The following PCNX4 variants were observed in gnomAD, a reference collection of about 807,000 sequenced individuals.
PCNX4 encodes pecanex 4.
A neutral mutation model predicts 107.2 loss-of-function variants in PCNX4; 103 were observed. The observed-to-expected ratio is 0.96, with a 90% confidence interval of 0.82 to 1.13. PCNX4 has a LOEUF of 1.13. PCNX4 is among the 50% of genes most tolerant of loss of function. The pLI is 0.00. For missense variants in PCNX4, 1,528 were observed against 1,379.4 expected, an observed-to-expected ratio of 1.11 and a Z score of -1.71; for synonymous variants, 541 against 481.7, an observed-to-expected ratio of 1.12 and a Z score of -1.61.
intron 8 of PCNX4, among the ~76,000 whole-genome samples, chr14:60,123,774 G>T (rs1382328492): frequency 6.6e-6 from 1 of 152,050 alleles, no homozygotes; most frequent in East Asian, 1.9e-4. Context: ...ATAAATTCTG[G>T]CACATCCATA....
intron 10 of PCNX4, among the ~76,000 whole-genome samples, chr14:60,132,645 G>T (rs1896175443): frequency 6.6e-6 from 1 of 151,476 alleles, no homozygotes; most frequent in African/African-American, 2.4e-5. Flanking sequence ...TTCCTCAAAG[G>T]ACACCATCAA....
rs1304176111 is a variant in PCNX4 at position 60,141,473 on chromosome 14, G to C, written c.*7252G>C. ...CTATAAATCAGGCAGTCATTAAAAA[G>C]ATAATGAGGAAATACTGTAACTTTC... On this transcript the variant is annotated 3_prime_UTR_variant, in exon 11 of 11. Transcript: ENST00000406854. 6.6e-6 allele frequency: 1 copy of C among 152,162 alleles called. No individual in the cohort carries two copies. The highest frequency in any genetic ancestry group is 1.5e-5 in the Non-Finnish European group (1 of 68,032). The allele number at this position is 152,162 out of a possible 1,614,324, so 9.4% of individuals were successfully genotyped here. A position where few individuals can be genotyped will look rare whatever the true frequency, so the allele number is the denominator to read the frequency against.
In PCNX4 at chr14:60,138,529, T is replaced by A. The variant is rs1896268202; in HGVS notation, c.*4308T>A. ...GGCACAATTTTATTAAACTGACAGC[T>A]AACTTCTCAACAGAAAATATGGGAA... On this transcript the variant is annotated 3_prime_UTR_variant, in exon 11 of 11. Coordinates refer to ENST00000406854, the MANE Select transcript of PCNX4 (RefSeq NM_001330177.2). The A allele has an allele frequency of 6.6e-6, 1 of 152,228 alleles. No homozygotes were observed. Among genetic ancestry groups the A allele is most frequent in the South Asian group, 2.1e-4 (1 of 4,834 alleles). The allele number at this position is 152,228 out of a possible 1,614,324, so 9.4% of individuals were successfully genotyped here.
chr14:60,106,991 T>A (rs1895641784), intron 1 of PCNX4, among the ~76,000 whole-genome samples: 1 of 152,232 alleles, frequency 6.6e-6, no homozygotes, highest in South Asian at 2.1e-4. Context: ...AGTATTGGCA[T>A]TTTGAACGTT....
chr14:60,094,886 C>G (rs1056203684), intron 1 of PCNX4, among the ~76,000 whole-genome samples: 2 of 151,644 alleles, frequency 1.3e-5, no homozygotes, highest in East Asian at 3.9e-4. Context: ...GGTTAAGTCA[C>G]TTAATATCAC....
Position 60,121,184 on chromosome 14 carries a change from A to ATTTTT in PCNX4, c.1943-12_1943-11insTTTTT. 4.4e-6 allele frequency: 5 copies of ATTTTT among 1,142,316 alleles called. No homozygotes were observed. The highest frequency in any genetic ancestry group is 5.6e-6 in the Non-Finnish European group (5 of 893,528). 70.8% of individuals were successfully genotyped at this position (1,142,316 alleles called of 1,614,324 possible). The stretch of plus-strand genomic sequence containing the variant: ...TTCTTTTTTTTTTTTTTTTTTTTCT[A>ATTTTT]ATTTGTTGTAGGTCTCCTCCTACCT... On this transcript the variant is annotated splice_polypyrimidine_tract_variant and intron_variant, in intron 7 of 10. Coordinates refer to ENST00000406854, the MANE Select transcript of PCNX4 (RefSeq NM_001330177.2).
intron 1 of PCNX4, among the ~76,000 whole-genome samples, chr14:60,098,356 C>T (rs1320978657): frequency 6.6e-6 from 1 of 152,220 alleles, no homozygotes; most frequent in African/African-American, 2.4e-5. Flanking sequence ...AGAAGCCTCT[C>T]TCAGGTTTAT....
chr14:60,098,659 CTGGGCACGG>C (rs1471697929), intron 1 of PCNX4, among the ~76,000 whole-genome samples: 2 of 152,108 alleles, frequency 1.3e-5, no homozygotes, highest in Non-Finnish European at 2.9e-5. Flanking sequence ...AAGTCTTTTG[CTGGGCACGG>C]TGGCTCACAC....
rs1896267090 is a variant in PCNX4, at chr14:60,138,435, AAAAAT to A, written c.*4219_*4223del. 2 of 152,198 alleles carry A rather than the reference AAAAAT, an allele frequency of 1.3e-5. No individual in the cohort carries two copies. The highest frequency in any genetic ancestry group is 1.3e-4 in the Admixed American group (2 of 15,274). 9.4% of individuals were successfully genotyped at this position (152,198 alleles called of 1,614,324 possible). A position where few individuals can be genotyped will look rare whatever the true frequency, so the allele number is the denominator to read the frequency against. ...AATTACAACTTAGCACATCCTAAGA[AAAAAT>A]AAAACACAAAAAGAAAATCATTAAA... On this transcript the variant is annotated 3_prime_UTR_variant, in exon 11 of 11. Transcript: ENST00000406854.
chr14:60,145,095 G>A lies in PCNX4; in HGVS notation c.*10874G>A. On this transcript the variant is annotated 3_prime_UTR_variant, in exon 11 of 11. Transcript: ENST00000406854. The surrounding 1 kb of genome is among the most constrained non-coding windows in gnomAD (Gnocchi z 4.0). Reference sequence around the variant, plus strand: ...TAACATTTAAGTCCTTCTGTTTTGAGGAGCTGTATCATTATGATTCACTAT... The same window carrying A: ...TAACATTTAAGTCCTTCTGTTTTGAAGAGCTGTATCATTATGATTCACTAT... The A allele has an allele frequency of 1.1e-6, 1 of 924,236 alleles. No individual in the cohort carries two copies. The highest frequency in any genetic ancestry group is 1.6e-6 in the Non-Finnish European group (1 of 637,894). The allele number at this position is 924,236 out of a possible 1,614,324, so 57.3% of individuals were successfully genotyped here. A position where few individuals can be genotyped will look rare whatever the true frequency, so the allele number is the denominator to read the frequency against.
rs1896241806 is a variant in PCNX4 at position 60,136,484 on chromosome 14, C to T, written c.*2263C>T. 6.6e-6 allele frequency: 1 copy of T among 152,162 alleles called. No homozygotes were observed. Among genetic ancestry groups the T allele is most frequent in the South Asian group, 2.1e-4 (1 of 4,832 alleles). 9.4% of individuals were successfully genotyped at this position (152,162 alleles called of 1,614,324 possible). A position where few individuals can be genotyped will look rare whatever the true frequency, so the allele number is the denominator to read the frequency against. On this transcript the variant is annotated 3_prime_UTR_variant, in exon 11 of 11. Coordinates refer to ENST00000406854, the MANE Select transcript of PCNX4 (RefSeq NM_001330177.2). ...TCTTACACTGAACCTATATATATCACTTATTTGGTATCTTCACTTGGTATA... is the reference window on the plus strand; with the variant it reads ...TCTTACACTGAACCTATATATATCATTTATTTGGTATCTTCACTTGGTATA...
rs760419187 is a variant in PCNX4, at chr14:60,118,536, C to G, written c.1786C>G (p.Leu596Val). Residue 596 changes from leucine (L) to valine (V), a missense_variant, in exon 7 of 11, where the codon CTT (leucine) becomes GTT (valine). Transcript: ENST00000406854. ...TTCTCCCTTACTCCCTCTTTTCACC[C>G]TTCCTGTGTTCTTGGTGGGGTTTCC... The part of the protein sequence containing the change: ...LSSPLLPLFT[L>V]PVFLVGFPRP... The G allele has an allele frequency of 3.2e-5, 51 of 1,613,720 alleles. No individual in the cohort carries two copies. The South Asian group carries it at 5.4e-4, about 17-fold the overall frequency.
chr14:60,111,562 C>A (rs1384298009), intron 2 of PCNX4, among the ~76,000 whole-genome samples: 1 of 152,034 alleles, frequency 6.6e-6, no homozygotes, highest in African/African-American at 2.4e-5. Flanking sequence ...AATACAAATT[C>A]TTGAGTTACT....
rs2140538944 is a variant in PCNX4 at position 60,107,964 on chromosome 14, T to G, written c.326T>G (p.Ile109Ser). 1.9e-6 allele frequency: 3 copies of G among 1,612,854 alleles called. No individual in the cohort carries two copies. In the East Asian group the frequency reaches 6.7e-5, roughly 36 times the overall value. ...GTAGAAAGAATACTAACCACGGATA[T>G]CTTAGCAGAGGAGGATGAGCATGAA... ...TTVERILTTD[I>S]LAEEDEHEFT... Residue 109 changes from isoleucine to serine, a missense_variant, in exon 2 of 11, where the codon ATC (isoleucine) becomes AGC (serine). Ile to Ser is a moderately radical substitution (Grantham distance 142, BLOSUM62 -2). Coordinates refer to ENST00000406854, the MANE Select transcript of PCNX4 (RefSeq NM_001330177.2).
At chr14:60,129,329 G>T (rs1481779413) in intron 10 of PCNX4, among the ~76,000 whole-genome samples, 1 of 151,946 alleles carries the variant, frequency 6.6e-6, no homozygotes, top group Non-Finnish European at 1.5e-5. Flanking sequence ...AAGGCAGGAG[G>T]ATTGCTTTGA....
chr14:60,139,543 C>T lies in PCNX4; in HGVS notation c.*5322C>T, dbSNP rs1301771329. On this transcript the variant is annotated 3_prime_UTR_variant, in exon 11 of 11. Transcript: ENST00000406854. ...GATTTTAATATACTCAGTAACAGAA[C>T]AGCAGCCATGCAAAAATACGTAAAT... is the stretch of plus-strand genomic sequence containing the variant. 6.6e-6 allele frequency: 1 copy of T among 152,004 alleles called. No individual in the cohort carries two copies. Among genetic ancestry groups the T allele is most frequent in the East Asian group, 1.9e-4 (1 of 5,194 alleles). The allele number at this position is 152,004 out of a possible 1,614,324, so 9.4% of individuals were successfully genotyped here.
At chr14:60,094,551 A>ACGTC (rs1895382609) in intron 1 of PCNX4, among the ~76,000 whole-genome samples, 2 of 152,160 alleles carry the variant, frequency 1.3e-5, no homozygotes, top group African/African-American at 4.8e-5. Flanking sequence ...AACTGAAGGA[A>ACGTC]CGTCCCTATC....
intron 1 of PCNX4, among the ~76,000 whole-genome samples, chr14:60,095,098 G>A (rs927781457): frequency 2.6e-5 from 4 of 152,064 alleles, no homozygotes; most frequent in Admixed American, 1.3e-4. Context: ...GGACGTGCCC[G>A]GGAGGCAAGT....
chr14:60,117,900 C>G (rs938551334), intron 6 of PCNX4, among the ~76,000 whole-genome samples: 1 of 151,742 alleles, frequency 6.6e-6, no homozygotes, highest in South Asian at 2.1e-4. Flanking sequence ...AGTATTGAAG[C>G]CATCTGAGCC....
Sources: allele counts gnomAD v4.1 joint callset (sites outside exome capture counted in the v4.1 genomes callset), GRCh38; gene constraint gnomAD v4.1.1; non-coding constraint Gnocchi (gnomAD v3.1); transcripts MANE v1.5; gene names NCBI Gene and HGNC (gene_info 2026-07-23, HGNC 2026-07-21).